The following STAG1 variants were observed in gnomAD, a reference collection of about 807,000 sequenced individuals.
STAG1 encodes cohesin subunit SA-1.
In STAG1, 26 loss-of-function variants were observed where a neutral mutation model predicts 170.9. The observed-to-expected ratio is 0.15, with a 90% CI of 0.11 to 0.21. The LOEUF (loss-of-function observed/expected upper bound fraction) is 0.21. Ranked by LOEUF, STAG1 falls within the 10% of genes least tolerant of loss-of-function variation. The pLI is 1.00. For missense variants in STAG1, 964 were observed against 1,509.5 expected, an observed-to-expected ratio of 0.64 and a Z score of 5.99; for synonymous variants, 514 against 497.7, an observed-to-expected ratio of 1.03 and a Z score of -0.44.
At chr3:136,474,851 G>A (rs1327262090) in intron 10 of STAG1, among the ~76,000 whole-genome samples, 2 of 152,056 alleles carry the variant, frequency 1.3e-5, no homozygotes, top group Non-Finnish European at 2.9e-5. Flanking sequence ...AATGGACCAC[G>A]GTTTACTAGA....
At chr3:136,441,161 T>C (rs1268917288) in intron 15 of STAG1, among the ~76,000 whole-genome samples, 1 of 150,568 alleles carries the variant, frequency 6.6e-6, no homozygotes, top group East Asian at 2.0e-4. Context: ...GCCTCCCGAG[T>C]AGATGGGATT....
At chr3:136,490,784 C>T (rs924014691) in intron 9 of STAG1, among the ~76,000 whole-genome samples, 2 of 152,118 alleles carry the variant, frequency 1.3e-5, no homozygotes, top group African/African-American at 4.8e-5. Flanking sequence ...GATGAAAAGA[C>T]TCAACTAGTC....
chr3:136,650,467 T>C (rs916074223), intron 1 of STAG1, among the ~76,000 whole-genome samples: 2 of 152,144 alleles, frequency 1.3e-5, no homozygotes, highest in Admixed American at 1.3e-4. Context: ...GTATTACATA[T>C]GCAATAAAAA....
chr3:136,410,237 T>C (rs1335361547), intron 21 of STAG1, among the ~76,000 whole-genome samples: 1 of 151,854 alleles, frequency 6.6e-6, no homozygotes, highest in Non-Finnish European at 1.5e-5. Context: ...CTGTCTCTAC[T>C]AAAAATACAA....
At chr3:136,640,733 C>T (rs567159278) in intron 1 of STAG1, among the ~76,000 whole-genome samples, 149 of 148,474 alleles carry the variant, frequency 1.0e-3, no homozygotes, top group African/African-American at 3.2e-3. Flanking sequence ...GGTACAGTGG[C>T]GCGATTTTGG....
rs1278165989 is a variant in STAG1, at chr3:136,706,086, A to G, written c.-84+46109T>C. Among the ~76,000 whole-genome samples the G allele has an allele frequency of 2.5e-4, 38 of 152,152 alleles. 1 individual carries two copies. Among genetic ancestry groups the G allele is most frequent in the Admixed American group, 2.5e-3 (38 of 15,282 alleles). On this transcript the variant is annotated intron_variant, in intron 1 of 33. Coordinates refer to ENST00000383202, the MANE Select transcript of STAG1 (RefSeq NM_005862.3). Reference sequence around the variant, plus strand: ...CCCTGTCTCAGAAATAAACAAACAAACAAAAAACTCAGGAAACCAGCAATA... The same window carrying G: ...CCCTGTCTCAGAAATAAACAAACAAGCAAAAAACTCAGGAAACCAGCAATA...
At chr3:136,648,959 G>C (rs1256065826) in intron 1 of STAG1, among the ~76,000 whole-genome samples, 1 of 152,088 alleles carries the variant, frequency 6.6e-6, no homozygotes, top group Non-Finnish European at 1.5e-5. Flanking sequence ...CCACTTCGAG[G>C]ATAATATTCC....
chr3:136,350,030 C>T (rs1314146284), intron 28 of STAG1, among the ~76,000 whole-genome samples: 1 of 152,082 alleles, frequency 6.6e-6, no homozygotes, highest in Non-Finnish European at 1.5e-5. Context: ...ATCCCAGCTA[C>T]TCAGGAGGCT....
At chr3:136,456,498 A>G (rs1332796897) in intron 13 of STAG1, among the ~76,000 whole-genome samples, 1 of 152,186 alleles carries the variant, frequency 6.6e-6, no homozygotes, top group Non-Finnish European at 1.5e-5. Context: ...TAAAAAGCCT[A>G]TGAGAATTAT....
At chr3:136,647,494 G>A (rs754633679) in intron 1 of STAG1, among the ~76,000 whole-genome samples, 45 of 151,998 alleles carry the variant, frequency 3.0e-4, no homozygotes, top group Non-Finnish European at 4.0e-4. Flanking sequence ...GCTTGAACCC[G>A]GGAGGCAGAG....
chr3:136,467,761 A>T (rs2089509133), intron 12 of STAG1, among the ~76,000 whole-genome samples: 2 of 152,208 alleles, frequency 1.3e-5, no homozygotes, highest in South Asian at 4.1e-4. Flanking sequence ...AGTTGGAAGT[A>T]AAGCACTCCT....
At chr3:136,544,314 T>C (rs976318954) in intron 5 of STAG1, among the ~76,000 whole-genome samples, 1 of 152,174 alleles carries the variant, frequency 6.6e-6, no homozygotes, top group Non-Finnish European at 1.5e-5. Flanking sequence ...TCCTCCTCTA[T>C]TCTATGATGT....
intron 1 of STAG1, among the ~76,000 whole-genome samples, chr3:136,681,940 A>C (rs1343996542): frequency 6.6e-6 from 1 of 152,192 alleles, no homozygotes; most frequent in African/African-American, 2.4e-5. Context: ...AAAGATAAAA[A>C]TCTTTTCCTC....
rs2107900600 is a variant in STAG1 at position 136,694,116 on chromosome 3, T to C, written c.-84+58079A>G. Among the ~76,000 whole-genome samples the C allele has an allele frequency of 2.0e-5, 3 of 152,360 alleles. No homozygotes were observed. In the South Asian group the frequency reaches 6.2e-4, roughly 32 times the overall value. On this transcript the variant is annotated intron_variant, in intron 1 of 33. Transcript: ENST00000383202. ...GGTTATGAACCAGTTCATTTGGCTC[T>C]AGGATACAAGCTTGAATTTTATTCC... is the stretch of plus-strand genomic sequence containing the variant.
At chr3:136,572,107 T>C (rs988120489) in intron 4 of STAG1, among the ~76,000 whole-genome samples, 1 of 151,892 alleles carries the variant, frequency 6.6e-6, no homozygotes, top group Non-Finnish European at 1.5e-5. Context: ...CCCAGTTACT[T>C]AGGAGGCTGA....
At chr3:136,717,572 G>A (rs1943574007) in intron 1 of STAG1, among the ~76,000 whole-genome samples, 1 of 152,186 alleles carries the variant, frequency 6.6e-6, no homozygotes, top group South Asian at 2.1e-4. Flanking sequence ...GCTGAGGCAG[G>A]AGAATCACTT....
intron 28 of STAG1, among the ~76,000 whole-genome samples, chr3:136,355,030 C>T (rs1188447077): frequency 6.6e-6 from 1 of 151,808 alleles, no homozygotes; most frequent in Non-Finnish European, 1.5e-5. Flanking sequence ...GAATAAGACT[C>T]AACTGGTCAG....
At chr3:136,433,210 TA>T (rs1276403387) in intron 16 of STAG1, among the ~76,000 whole-genome samples, 3 of 152,052 alleles carry the variant, frequency 2.0e-5, no homozygotes, top group Admixed American at 2.0e-4. Context: ...TTCATCTATC[TA>T]AAGATTATAT....
intron 7 of STAG1, among the ~76,000 whole-genome samples, chr3:136,513,291 A>C (rs906150227): frequency 6.6e-6 from 1 of 152,100 alleles, no homozygotes; most frequent in Non-Finnish European, 1.5e-5. Context: ...CAGGAGGCAT[A>C]GGTCATAGCG....
Sources: allele counts gnomAD v4.1 joint callset (sites outside exome capture counted in the v4.1 genomes callset), GRCh38; gene constraint gnomAD v4.1.1; transcripts MANE v1.5; gene names NCBI Gene and HGNC (gene_info 2026-07-23, HGNC 2026-07-21).